SH2B2: variants seen among roughly 807,000 people sequenced by gnomAD.
SH2B2 encodes the protein SH2B adapter protein 2.
In SH2B2, 37 loss-of-function variants were observed where a neutral mutation model predicts 35.7. That is an observed-to-expected ratio of 1.04 (90% CI 0.80 to 1.36). The LOEUF (loss-of-function observed/expected upper bound fraction) is 1.36, where lower values mean the gene tolerates loss of function less well. Among genes scored for constraint, SH2B2 ranks in the 40% most tolerant of loss-of-function variants. The pLI is 0.00. For missense variants in SH2B2, 852 were observed against 817.7 expected, an observed-to-expected ratio of 1.04 and a Z score of -0.51; for synonymous variants, 383 against 376.4, an observed-to-expected ratio of 1.02 and a Z score of -0.20.
At chr7:102,301,972 C>T (rs1197954141) in intron 2 of SH2B2, among the ~76,000 whole-genome samples, 1 of 152,170 alleles carries the variant, frequency 6.6e-6, no homozygotes, top group Non-Finnish European at 1.5e-5. Flanking sequence ...CTCAAGCAGT[C>T]CTTTCTTAGC....
chr7:102,313,008 A>G (rs1793683188), intron 4 of SH2B2, among the ~76,000 whole-genome samples: 2 of 151,794 alleles, frequency 1.3e-5, no homozygotes, highest in African/African-American at 2.4e-5. Context: ...ACATGCCTGT[A>G]ATATCAGCTA....
Position 102,297,968 on chromosome 7 carries a change from G to A in SH2B2, c.-29-2554G>A, listed in dbSNP as rs1554552810. ...AGGGAAGGCTATCCGCCAAGCCATT[G>A]GTTGAGCAGAAACCTGAAGAAGGTG... On this transcript the variant is annotated intron_variant, in intron 1 of 8. Coordinates refer to ENST00000444095, the MANE Select transcript of SH2B2 (RefSeq NM_001359228.2). The surrounding 1 kb of genome is among the most constrained non-coding windows in gnomAD (Gnocchi z 4.3). 6.6e-6 allele frequency among the ~76,000 whole-genome samples: 1 copy of A among 152,214 alleles called. No homozygotes were observed. Among genetic ancestry groups the A allele is most frequent in the East Asian group, 1.9e-4 (1 of 5,190 alleles).
chr7:102,316,689 C>G (rs1793841609), intron 6 of SH2B2, among the ~76,000 whole-genome samples: 2 of 151,956 alleles, frequency 1.3e-5, no homozygotes, highest in African/African-American at 2.4e-5. Flanking sequence ...AGTTTGAGAC[C>G]AGCCTGGGGA....
intron 6 of SH2B2, 99 bp from the exon 7 acceptor site, chr7:102,317,088 T>TA (rs576541502): frequency 3.6e-4 from 365 of 1,003,742 alleles, no homozygotes; most frequent in South Asian, 1.9e-3. Flanking sequence ...ATTTTGCATG[T>TA]AAAAAAACCA....
intron 2 of SH2B2, among the ~76,000 whole-genome samples, chr7:102,302,261 A>T (rs573202916): frequency 2.6e-5 from 4 of 152,278 alleles, no homozygotes; most frequent in African/African-American, 9.6e-5. Context: ...GCCTGCAGGG[A>T]TGAGGGCAGG....
In SH2B2 at chr7:102,301,011, G is replaced by A; in HGVS notation, c.461G>A (p.Arg154Gln). Residue 154 changes from arginine to glutamine, a missense_variant, in exon 2 of 9, where the codon CGG (arginine) becomes CAG (glutamine). Physicochemically the swap from Arg to Gln is conservative, Grantham distance 43 (BLOSUM62 1). Coordinates refer to ENST00000444095, the MANE Select transcript of SH2B2 (RefSeq NM_001359228.2). ...GACGGCGTGCGCGACATGTGGCACC[G>A]GCGCGCCTCGCCCGAGCCCGACGCG... ...VVDGVRDMWHRRASPEPDAAA... is the reference protein window; with the variant it reads ...VVDGVRDMWHQRASPEPDAAA... 7.1e-7 allele frequency: 1 copy of A among 1,411,990 alleles called. No individual in the cohort carries two copies. The highest frequency in any genetic ancestry group is 9.2e-7 in the Non-Finnish European group (1 of 1,085,060). 87.5% of individuals were successfully genotyped at this position (1,411,990 alleles called of 1,614,324 possible).
In SH2B2 at chr7:102,317,407, G is replaced by T. The variant is rs782422653; in HGVS notation, c.1395+12G>T. 3.0e-5 allele frequency: 47 copies of T among 1,554,738 alleles called. No homozygotes were observed. The Admixed American group carries it at 5.3e-4, about 18-fold the overall frequency. On this transcript the variant is annotated intron_variant, in intron 7 of 8. Coordinates refer to ENST00000444095, the MANE Select transcript of SH2B2 (RefSeq NM_001359228.2). ...AGGGCAAGGCCAAGGCAAGTGTGTG[G>T]GGGGCGCCATGGGGGTGCAGTGGCC... is the stretch of plus-strand genomic sequence containing the variant.
At chr7:102,286,666 C>T (rs1792456213), upstream of SH2B2, among the ~76,000 whole-genome samples, 1 of 150,288 alleles carries the variant, frequency 6.7e-6, no homozygotes. Flanking sequence ...GCAGTCTCGG[C>T]ACCGCAGCTG....
At position 102,300,935 on chromosome 7, in the gene SH2B2, GC is replaced by G; in HGVS notation, c.388del (p.Arg130AlafsTer11). 1 of 1,487,360 alleles carries G rather than the reference GC, an allele frequency of 6.7e-7. No individual in the cohort carries two copies. The allele number at this position is 1,487,360 out of a possible 1,614,324, so 92.1% of individuals were successfully genotyped here. A position where few individuals can be genotyped will look rare whatever the true frequency, so the allele number is the denominator to read the frequency against. On this transcript the variant is annotated frameshift_variant, in exon 2 of 9. Coordinates refer to ENST00000444095, the MANE Select transcript of SH2B2 (RefSeq NM_001359228.2). LOFTEE classifies it high-confidence loss of function. ...EDVSTHAATK[A>X]RVRKGFSLRN... The stretch of plus-strand genomic sequence containing the variant: ...CGTGTCCACGCACGCGGCCACCAAG[GC>G]CCGCGTTCGCAAGGGCTTCTCGCTG...
chr7:102,295,860 CT>C (rs1792891003), intron 1 of SH2B2, among the ~76,000 whole-genome samples: 1 of 152,102 alleles, frequency 6.6e-6, no homozygotes, highest in South Asian at 2.1e-4. Context: ...AGTCCCCATC[CT>C]TCCCCCACCT....
chr7:102,300,411 T>C, intron 1 of SH2B2, 111 bp from the exon 2 acceptor site: 1 of 1,316,916 alleles, frequency 7.6e-7, no homozygotes, highest in South Asian at 1.5e-5. Context: ...CGTGTGCATG[T>C]ACACACACAC....
At chr7:102,310,180 G>A (rs928365151) in intron 4 of SH2B2, among the ~76,000 whole-genome samples, 1 of 152,122 alleles carries the variant, frequency 6.6e-6, no homozygotes, top group African/African-American at 2.4e-5. Flanking sequence ...GCCAGGCATC[G>A]TGGCGGGCAT....
At position 102,297,759 on chromosome 7, in the gene SH2B2, G is replaced by A. The variant is rs1025670224; in HGVS notation, c.-29-2763G>A. On this transcript the variant is annotated intron_variant, in intron 1 of 8. Transcript: ENST00000444095. This position sits in a 1 kb window ranked among gnomAD's most constrained non-coding sequence, Gnocchi z 4.3. Reference sequence around the variant, plus strand: ...GAGGACACAGCCGCTTCTAGGACTGGCAAAATCCCTGCCTTGTGAAACTGG... The same window carrying A: ...GAGGACACAGCCGCTTCTAGGACTGACAAAATCCCTGCCTTGTGAAACTGG... Among the ~76,000 whole-genome samples, 3 of 152,034 alleles carry A rather than the reference G, an allele frequency of 2.0e-5. No individual in the cohort carries two copies. The highest frequency in any genetic ancestry group is 4.4e-5 in the Non-Finnish European group (3 of 68,014).
chr7:102,285,205 C>T (rs1792391566), upstream of SH2B2: 2 of 1,551,266 alleles, frequency 1.3e-6, no homozygotes, highest in African/African-American at 2.7e-5. Context: ...TCTCAGGACC[C>T]TCTCTGGCCG....
chr7:102,287,685 G>A (rs1441780154), intron 1 of SH2B2, among the ~76,000 whole-genome samples: 1 of 152,172 alleles, frequency 6.6e-6, no homozygotes, highest in African/African-American at 2.4e-5. Flanking sequence ...TTAAGAAGGG[G>A]CGGGTTCGTG....
rs561735847 is a variant in SH2B2 at position 102,317,412 on chromosome 7, C to T, written c.1395+17C>T. 20 of 1,543,934 alleles carry T rather than the reference C, an allele frequency of 1.3e-5. No individual in the cohort carries two copies. Among genetic ancestry groups the T allele is most frequent in the African/African-American group, 5.4e-5 (4 of 73,762 alleles). On this transcript the variant is annotated intron_variant, in intron 7 of 8. Coordinates refer to ENST00000444095, the MANE Select transcript of SH2B2 (RefSeq NM_001359228.2). ...AAGGCCAAGGCAAGTGTGTGGGGGG[C>T]GCCATGGGGGTGCAGTGGCCAGCCC...
chr7:102,285,809 G>C (rs2132872876), upstream of SH2B2, among the ~76,000 whole-genome samples: 1 of 152,296 alleles, frequency 6.6e-6, no homozygotes, highest in South Asian at 2.1e-4. Flanking sequence ...AGGGAGATGA[G>C]GGGAGAAGAC....
chr7:102,305,745 A>G (rs1482216221), intron 2 of SH2B2, among the ~76,000 whole-genome samples: 2 of 152,100 alleles, frequency 1.3e-5, no homozygotes, highest in Non-Finnish European at 2.9e-5. Flanking sequence ...AAAAATAAGA[A>G]AACCACAGAT....
chr7:102,316,890 G>A (rs1311044512), intron 6 of SH2B2, among the ~76,000 whole-genome samples: 1 of 150,222 alleles, frequency 6.7e-6, no homozygotes, highest in Admixed American at 6.6e-5. Flanking sequence ...GTGGTGGTGG[G>A]CGCCTGTAAT....
Sources: allele counts gnomAD v4.1 joint callset (sites outside exome capture counted in the v4.1 genomes callset), GRCh38; gene constraint gnomAD v4.1.1; non-coding constraint Gnocchi (gnomAD v3.1); transcripts MANE v1.5; gene names NCBI Gene and HGNC (gene_info 2026-07-23, HGNC 2026-07-21).